Variants in CAMTA1 observed in about 807,000 individuals in gnomAD.
CAMTA1 encodes calmodulin binding transcription activator 1.
CAMTA1 carries 27 observed loss-of-function variants against 170.9 expected under a neutral mutation model. That is an observed-to-expected ratio of 0.16 (90% CI 0.12 to 0.22). The LOEUF (loss-of-function observed/expected upper bound fraction) is 0.22. Ranked by LOEUF, CAMTA1 falls within the 10% of genes least tolerant of loss-of-function variation. The pLI is 1.00. For missense variants in CAMTA1, 1,619 were observed against 2,217.2 expected (o/e 0.73, Z 5.42); for synonymous variants, 833 against 891.5 (o/e 0.93, Z 1.17).
rs140585196 is a variant in CAMTA1, at chr1:7,048,378, G to A, written c.235-42926G>A. ...GAGTGAGACAAATACTACCTAGAGA[G>A]TCACAGTGGGAGCCATTTGAAAAAC... On this transcript the variant is annotated intron_variant, in intron 3 of 22. Coordinates refer to ENST00000303635, the MANE Select transcript of CAMTA1 (RefSeq NM_015215.4). 2.5e-3 allele frequency among the ~76,000 whole-genome samples: 375 copies of A among 152,262 alleles called. 1 individual carries two copies. Among genetic ancestry groups the A allele is most frequent in the African/African-American group, 8.8e-3 (365 of 41,536 alleles).
chr1:6,939,831 G>T (rs1203713797), intron 3 of CAMTA1, among the ~76,000 whole-genome samples: 1 of 152,256 alleles, frequency 6.6e-6, no homozygotes, highest in Non-Finnish European at 1.5e-5. Context: ...CTGTCTCCCT[G>T]CTTCAATGCA....
chr1:6,810,097 A>C (rs1644989382), intron 1 of CAMTA1, among the ~76,000 whole-genome samples: 1 of 152,138 alleles, frequency 6.6e-6, no homozygotes, highest in Non-Finnish European at 1.5e-5. Flanking sequence ...AGTGGCTTCA[A>C]ACAGCCCAGG....
chr1:7,433,065 G>A (rs1204281529), intron 5 of CAMTA1, among the ~76,000 whole-genome samples: 3 of 152,226 alleles, frequency 2.0e-5, no homozygotes, highest in Non-Finnish European at 2.9e-5. Context: ...CCGGCCCCCA[G>A]TCCCCATGGC....
chr1:7,689,781 T>TC (rs2096290673), intron 11 of CAMTA1, among the ~76,000 whole-genome samples: 1 of 152,130 alleles, frequency 6.6e-6, no homozygotes, highest in Non-Finnish European at 1.5e-5. Flanking sequence ...CTGCATGCTC[T>TC]CCTCCCTCTG....
chr1:6,806,143 G>A (rs1426659135), intron 1 of CAMTA1, among the ~76,000 whole-genome samples: 2 of 152,118 alleles, frequency 1.3e-5, no homozygotes, highest in East Asian at 3.8e-4. Flanking sequence ...AAGTGTCTTG[G>A]CACCCTTGTT....
intron 5 of CAMTA1, among the ~76,000 whole-genome samples, chr1:7,262,949 A>G (rs1324118025): frequency 2.6e-5 from 4 of 152,158 alleles, no homozygotes; most frequent in Non-Finnish European, 2.9e-5. Flanking sequence ...CAGGTGCAGA[A>G]CCGATCACAC....
Position 7,142,989 on chromosome 1 carries a change from C to T in CAMTA1, c.302+51618C>T, listed in dbSNP as rs190783540. ...CATGCCTGAGCTGTCTCAGTTTCTC[C>T]AGTCTAAGGTTCACATTGGGGAACC... On this transcript the variant is annotated intron_variant, in intron 4 of 22. Coordinates refer to ENST00000303635, the MANE Select transcript of CAMTA1 (RefSeq NM_015215.4). 3.3e-5 allele frequency among the ~76,000 whole-genome samples: 5 copies of T among 152,350 alleles called. No homozygotes were observed. The East Asian group carries it at 9.6e-4, about 29-fold the overall frequency.
intron 6 of CAMTA1, among the ~76,000 whole-genome samples, chr1:7,493,290 A>C (rs1352961402): frequency 9.9e-5 from 12 of 121,214 alleles, no homozygotes; most frequent in South Asian, 5.5e-4. Context: ...CACGCGCACA[A>C]ACACAAACAT....
chr1:7,175,921 T>C (rs923501224), intron 4 of CAMTA1, among the ~76,000 whole-genome samples: 1 of 152,244 alleles, frequency 6.6e-6, no homozygotes, highest in African/African-American at 2.4e-5. Flanking sequence ...TTCATGGTCA[T>C]TGATCTTGTC....
chr1:7,202,452 T>C (rs1025911443), intron 4 of CAMTA1, among the ~76,000 whole-genome samples: 2 of 152,202 alleles, frequency 1.3e-5, no homozygotes, highest in African/African-American at 2.4e-5. Flanking sequence ...AGAGATTGAA[T>C]TGACTCTGTA....
intron 6 of CAMTA1, 45 bp downstream of exon 6, chr1:7,467,946 G>A (rs2093250483): frequency 6.5e-7 from 1 of 1,544,110 alleles, no homozygotes; most frequent in Admixed American, 1.7e-5. Flanking sequence ...TGGTGCTCGG[G>A]AAGGGTCTGT....
intron 3 of CAMTA1, among the ~76,000 whole-genome samples, chr1:6,919,176 G>A (rs1012991954): frequency 2.0e-5 from 3 of 152,212 alleles, no homozygotes; most frequent in African/African-American, 7.2e-5. Flanking sequence ...GCAGGAGGAG[G>A]GACGTGGCTT....
intron 3 of CAMTA1, among the ~76,000 whole-genome samples, chr1:6,881,598 G>A (rs1671604238): frequency 6.6e-6 from 1 of 152,202 alleles, no homozygotes; most frequent in Non-Finnish European, 1.5e-5. Flanking sequence ...GCAGGGCTTG[G>A]CACGGTCTTT....
intron 3 of CAMTA1, among the ~76,000 whole-genome samples, chr1:6,953,527 A>T (rs1688880322): frequency 6.6e-6 from 1 of 152,172 alleles, no homozygotes. Context: ...CTTGCTCAGG[A>T]GGGCTGGCTT....
chr1:6,797,964 G>T (rs370539777), intron 1 of CAMTA1, among the ~76,000 whole-genome samples: 43 of 150,322 alleles, frequency 2.9e-4, no homozygotes, highest in Middle Eastern at 3.5e-3. Flanking sequence ...TTCTATAAAA[G>T]AATCTATTTG....
chr1:6,995,295 CTTTT>C (rs765139922), intron 3 of CAMTA1, among the ~76,000 whole-genome samples: 15 of 60,620 alleles, frequency 2.5e-4, no homozygotes, highest in East Asian at 2.2e-3. Context: ...TTTTTCTTTT[CTTTT>C]TTTTTTTTTT....
At chr1:6,788,194 T>A (rs1402393192) in intron 1 of CAMTA1, among the ~76,000 whole-genome samples, 2 of 134,466 alleles carry the variant, frequency 1.5e-5, no homozygotes, top group Admixed American at 7.4e-5. Context: ...TTTCTCCCTC[T>A]TTCACGAAAT....
intron 5 of CAMTA1, among the ~76,000 whole-genome samples, chr1:7,425,633 G>A (rs1003545624): frequency 6.6e-6 from 1 of 152,010 alleles, no homozygotes; most frequent in East Asian, 1.9e-4. Flanking sequence ...GGGGGCAGGA[G>A]CAATCCCCCC....
chr1:7,290,771 G>A (rs149841362), intron 5 of CAMTA1, among the ~76,000 whole-genome samples: 1 of 152,010 alleles, frequency 6.6e-6, no homozygotes, highest in East Asian at 1.9e-4. Flanking sequence ...GGGACTCTCC[G>A]ACAGATGACA....
Sources: allele counts gnomAD v4.1 joint callset (sites outside exome capture counted in the v4.1 genomes callset), GRCh38; gene constraint gnomAD v4.1.1; transcripts MANE v1.5; gene names NCBI Gene and HGNC (gene_info 2026-07-23, HGNC 2026-07-21).